Variants in SPG7 observed in about 807,000 individuals in gnomAD.
The protein encoded by SPG7 is mitochondrial inner membrane m-AAA protease component paraplegin.
A neutral mutation model predicts 81.9 loss-of-function variants in SPG7; 103 were observed. That is an observed-to-expected ratio of 1.26 (90% CI 1.07 to 1.48). SPG7 has a LOEUF of 1.48. SPG7 is among the 40% of genes most tolerant of loss of function. SPG7 has a pLI of 0.00. For missense variants in SPG7, 1,241 were observed against 1,087.3 expected (o/e 1.14, Z -1.99); for synonymous variants, 534 against 444.2 (o/e 1.20, Z -2.54).
chr16:89,532,915 C>T, intron 9 of SPG7: 1 of 453,280 alleles, frequency 2.2e-6, no homozygotes, highest in East Asian at 4.4e-5. Flanking sequence ...GAAACCCCAT[C>T]TCTACAAAAA....
chr16:89,543,249 ATCCTGTTCTTACATTAGTCACGGG>A (rs1300295882), intron 9 of SPG7: 1 of 137,744 alleles, frequency 7.3e-6, no homozygotes, highest in Non-Finnish European at 1.6e-5. Context: ...GCCTGGCTAT[ATCCTGTTCTTACATTAGTCACGGG>A]TCCTGTTCTT....
intron 6 of SPG7, chr16:89,529,917 G>A (rs529402553): frequency 4.8e-5 from 17 of 357,462 alleles, no homozygotes; most frequent in African/African-American, 2.9e-4. Flanking sequence ...TCAGCTCACC[G>A]CAACTTGCAC....
intron 5 of SPG7, among the ~76,000 whole-genome samples, chr16:89,527,666 G>A (rs566455975): frequency 8.5e-5 from 13 of 152,276 alleles, no homozygotes; most frequent in Admixed American, 2.0e-4. Flanking sequence ...CTGTCAGCAC[G>A]TATGGACCAT....
At chr16:89,519,470 TC>T (rs1252656137) in intron 3 of SPG7, 2 of 151,746 alleles carry the variant, frequency 1.3e-5, no homozygotes, top group East Asian at 3.9e-4. Flanking sequence ...AACCTCCGCC[TC>T]CCGGGTTCAA....
chr16:89,529,068 T>G (rs1388694042), intron 5 of SPG7: 1 of 286,848 alleles, frequency 3.5e-6, no homozygotes, highest in Non-Finnish European at 6.8e-6. Flanking sequence ...CGCCACGGCC[T>G]CCCAAAGTGC....
chr16:89,508,578 A>T lies in SPG7; in HGVS notation c.161A>T (p.Glu54Val), dbSNP rs750617337. 7.4e-6 allele frequency: 11 copies of T among 1,485,236 alleles called. No individual in the cohort carries two copies. The Admixed American group carries it at 9.3e-5, about 13-fold the overall frequency. The allele number at this position is 1,485,236 out of a possible 1,614,324, so 92.0% of individuals were successfully genotyped here. A position where few individuals can be genotyped will look rare whatever the true frequency, so the allele number is the denominator to read the frequency against. ...AGCAGGCCTCCGGGGGACCTCGCCG[A>T]GGCTGGAGGCCGAGCTCTGCAGGTA... ...MASRPPGDLA[E>V]AGGRALQSLQ... Residue 54 changes from glutamate to valine, a missense_variant, in exon 1 of 17, where the codon GAG becomes GTG. Glu to Val is a moderately radical substitution (Grantham distance 121). Coordinates refer to ENST00000645818, the MANE Select transcript of SPG7 (RefSeq NM_003119.4).
chr16:89,556,869 T>C lies in SPG7; in HGVS notation c.2182-18T>C, dbSNP rs374106302. ...TCTGCCCTGGGGACTCACACACTGC[T>C]ATGCCTGTTCTTTCTAGCTGGCAAA... On this transcript the variant is annotated intron_variant, in intron 16 of 16. Transcript: ENST00000645818. The C allele has an allele frequency of 1.1e-4, 172 of 1,599,476 alleles. No homozygotes were observed. The highest frequency in any genetic ancestry group is 1.9e-4 in the South Asian group (17 of 90,738).
At chr16:89,546,563 A>G in intron 10 of SPG7, 95 bp from the exon 11 acceptor site, 1 of 857,084 alleles carries the variant, frequency 1.2e-6, no homozygotes, top group South Asian at 1.3e-5. Flanking sequence ...AATCCCAGCT[A>G]CTTGGGGACC....
intron 3 of SPG7, among the ~76,000 whole-genome samples, chr16:89,515,678 C>T (rs1244779387): frequency 2.0e-5 from 3 of 148,698 alleles, no homozygotes. Flanking sequence ...AGTTTAAGAC[C>T]CTCATTTCTA....
intron 9 of SPG7, chr16:89,537,434 C>T: frequency 2.9e-6 from 3 of 1,030,728 alleles, no homozygotes; most frequent in Non-Finnish European, 3.5e-6. Context: ...TCACACAGGC[C>T]TCCCTTCAAC....
chr16:89,544,663 A>AC lies in SPG7; in HGVS notation c.1342dup (p.His448ProfsTer12). The AC allele has an allele frequency of 6.2e-7, 1 of 1,614,088 alleles. No homozygotes were observed. Among genetic ancestry groups the AC allele is most frequent in the East Asian group, 2.2e-5 (1 of 44,880 alleles). On this transcript the variant is annotated frameshift_variant, in exon 10 of 17. Coordinates refer to ENST00000645818, the MANE Select transcript of SPG7 (RefSeq NM_003119.4). LOFTEE classifies it high-confidence loss of function. ...GTCCCCTCAGGAATGGGTACCACAGACCATGTCATCGTCCTGGCGTCCACG... is the reference window on the plus strand; with the variant it reads ...GTCCCCTCAGGAATGGGTACCACAGACCCATGTCATCGTCCTGGCGTCCACG...
intron 6 of SPG7, chr16:89,530,149 G>T (rs7195663): frequency 0.53 from 103,469 of 193,862 alleles, 22,783 homozygotes; most frequent in East Asian, 0.71. Flanking sequence ...TTTCTTTTTT[G>T]TGTGTGTGTG....
At chr16:89,551,524 GC>G (rs1205746958) in intron 13 of SPG7, 1 of 152,342 alleles carries the variant, frequency 6.6e-6, no homozygotes, top group African/African-American at 2.4e-5. Flanking sequence ...CCAGAGCTAG[GC>G]CCACTGTGGG....
chr16:89,531,696 C>T, intron 7 of SPG7: 1 of 592,326 alleles, frequency 1.7e-6, no homozygotes, highest in East Asian at 2.9e-5. Context: ...TTAAAAGTAG[C>T]TGGGCGTGGT....
chr16:89,546,083 G>C, intron 10 of SPG7: 1 of 298,908 alleles, frequency 3.3e-6, no homozygotes, highest in South Asian at 2.6e-5. Context: ...CTCCTTCCAA[G>C]AGCGTTCTCT....
At chr16:89,552,077 G>C (rs1042597571) in intron 13 of SPG7, 4 of 151,820 alleles carry the variant, frequency 2.6e-5, no homozygotes, top group Non-Finnish European at 5.9e-5. Flanking sequence ...TTTGTTTTGA[G>C]ACAGGGTCTC....
At chr16:89,532,765 G>T in intron 9 of SPG7, 129 bp downstream of exon 9, 1 of 1,097,440 alleles carries the variant, frequency 9.1e-7, no homozygotes, top group Non-Finnish European at 1.3e-6. Context: ...GTGAGACTCT[G>T]TCTCAAGAAA....
intron 3 of SPG7, among the ~76,000 whole-genome samples, chr16:89,515,686 CTAT>C (rs1280435349): frequency 5.3e-5 from 8 of 149,540 alleles, no homozygotes; most frequent in East Asian, 2.0e-4. Flanking sequence ...ACCCTCATTT[CTAT>C]TATTATTATT....
chr16:89,550,397 T>G (rs1180456569), intron 12 of SPG7, 97 bp from the exon 13 acceptor site: 1 of 835,538 alleles, frequency 1.2e-6, no homozygotes, highest in African/African-American at 1.7e-5. Context: ...GGTCTCGAAC[T>G]CCTGTCCTCA....
Sources: gnomAD v4.1 joint callset for allele counts (sites outside exome capture counted in the v4.1 genomes callset) on GRCh38, gnomAD v4.1.1 for gene constraint, MANE v1.5 for transcripts, NCBI Gene and HGNC (gene_info 2026-07-23, HGNC 2026-07-21) for gene names.